Variants in SEMA5A observed in about 807,000 individuals in gnomAD.
SEMA5A encodes semaphorin 5A.
Under a neutral mutation model 135.5 loss-of-function variants are expected in SEMA5A, and 55 were observed. That is an observed-to-expected ratio of 0.41 (90% CI 0.33 to 0.51). SEMA5A has a LOEUF of 0.51. SEMA5A is among the 20% of genes least tolerant of loss of function. The pLI, the probability that SEMA5A is intolerant of heterozygous loss-of-function variation, is 0.37. For synonymous variants in SEMA5A, 580 were observed against 546.5 expected, an observed-to-expected ratio of 1.06 and a Z score of -0.85; for missense variants, 1,290 against 1,419.9, an observed-to-expected ratio of 0.91 and a Z score of 1.47.
chr5:9,080,021 T>G (rs1738287683), intron 16 of SEMA5A, among the ~76,000 whole-genome samples: 1 of 152,076 alleles, frequency 6.6e-6, no homozygotes, highest in Admixed American at 6.6e-5. Flanking sequence ...CAGAAATACC[T>G]TTTGACCCAG....
intron 1 of SEMA5A, among the ~76,000 whole-genome samples, chr5:9,453,226 C>T (rs1013391485): frequency 1.3e-5 from 2 of 152,136 alleles, no homozygotes; most frequent in Non-Finnish European, 2.9e-5. Context: ...TATTTGCAAC[C>T]TCAGAATCAA....
intron 9 of SEMA5A, 131 bp from the exon 10 acceptor site, chr5:9,197,434 C>G: frequency 8.9e-7 from 1 of 1,117,594 alleles, no homozygotes; most frequent in East Asian, 2.5e-5. Context: ...CTTAAAGATC[C>G]CAAAAGGATG....
At chr5:9,381,887 C>G (rs142771017) in intron 2 of SEMA5A, among the ~76,000 whole-genome samples, 3,134 of 150,508 alleles carry the variant, frequency 0.021, 46 homozygotes, top group Non-Finnish European at 0.031. Flanking sequence ...TGATGCCATT[C>G]ATTTTAATAG....
At chr5:9,115,271 G>A (rs1397205281) in intron 15 of SEMA5A, among the ~76,000 whole-genome samples, 2 of 152,132 alleles carry the variant, frequency 1.3e-5, no homozygotes, top group African/African-American at 2.4e-5. Flanking sequence ...CTACAAGCAC[G>A]TGCTCTCTTC....
chr5:9,330,266 T>C (rs1753067524), intron 4 of SEMA5A, among the ~76,000 whole-genome samples: 1 of 151,998 alleles, frequency 6.6e-6, no homozygotes, highest in Admixed American at 6.6e-5. Flanking sequence ...AGCGGGCGCC[T>C]GTAGTCCCAG....
intron 2 of SEMA5A, among the ~76,000 whole-genome samples, chr5:9,401,183 G>A (rs1291365897): frequency 1.3e-5 from 2 of 152,184 alleles, no homozygotes; most frequent in East Asian, 3.8e-4. Flanking sequence ...CATTCCCAAA[G>A]AGAAGAGCAA....
chr5:9,476,349 G>T (rs1196909165), intron 1 of SEMA5A, among the ~76,000 whole-genome samples: 1 of 152,098 alleles, frequency 6.6e-6, no homozygotes, highest in African/African-American at 2.4e-5. Context: ...GCACATGTTG[G>T]GGGTTTACTT....
At chr5:9,361,068 G>A (rs562404102) in intron 3 of SEMA5A, among the ~76,000 whole-genome samples, 1 of 152,308 alleles carries the variant, frequency 6.6e-6, no homozygotes, top group South Asian at 2.1e-4. Context: ...GGAGGCCGAG[G>A]CAGGCAGACC....
Position 9,054,496 on chromosome 5 carries a change from TTTTCA to T in SEMA5A, c.2519-244_2519-240del, listed in dbSNP as rs547406411. ...AGTTTTACAGATTCCTCCCTACACT[TTTTCA>T]GTTCCCTTTATTCACTGTTTCAGAA... On this transcript the variant is annotated intron_variant, in intron 18 of 22. Coordinates refer to ENST00000382496, the MANE Select transcript of SEMA5A (RefSeq NM_003966.3). Among the ~76,000 whole-genome samples, 235 of 152,310 alleles carry T rather than the reference TTTTCA, an allele frequency of 1.5e-3. 1 individual carries two copies. The highest frequency in any genetic ancestry group is 5.4e-3 in the African/African-American group (225 of 41,568).
At chr5:9,400,165 G>A (rs908360103) in intron 2 of SEMA5A, among the ~76,000 whole-genome samples, 2 of 152,102 alleles carry the variant, frequency 1.3e-5, no homozygotes, top group Non-Finnish European at 2.9e-5. Context: ...TCGCAGGGTT[G>A]GAGGCGAAGT....
intron 1 of SEMA5A, among the ~76,000 whole-genome samples, chr5:9,485,722 A>T (rs1339770570): frequency 6.6e-6 from 1 of 152,188 alleles, no homozygotes; most frequent in East Asian, 1.9e-4. Context: ...ATGATCTCCA[A>T]TTATATGGAA....
At chr5:9,491,260 G>A (rs997641547) in intron 1 of SEMA5A, among the ~76,000 whole-genome samples, 2 of 152,284 alleles carry the variant, frequency 1.3e-5, no homozygotes, top group South Asian at 4.1e-4. Flanking sequence ...GGATGAACAG[G>A]AGAGCACAGG....
chr5:9,393,441 C>G (rs1334304137), intron 2 of SEMA5A, among the ~76,000 whole-genome samples: 1 of 152,150 alleles, frequency 6.6e-6, no homozygotes, highest in African/African-American at 2.4e-5. Flanking sequence ...GGAGAGGCAG[C>G]CTTGCATAGA....
At chr5:9,324,284 G>A (rs1752772625) in intron 4 of SEMA5A, among the ~76,000 whole-genome samples, 1 of 151,324 alleles carries the variant, frequency 6.6e-6, no homozygotes, top group Non-Finnish European at 1.5e-5. Context: ...TAGCCAGGAT[G>A]GTCTCTATCT....
chr5:9,374,654 T>A (rs1423190283), intron 3 of SEMA5A, among the ~76,000 whole-genome samples: 1 of 141,776 alleles, frequency 7.1e-6, no homozygotes, highest in Non-Finnish European at 1.5e-5. Flanking sequence ...TGTGTGTGTG[T>A]GTGACAGAGA....
At chr5:9,245,831 T>C (rs1345077552) in intron 5 of SEMA5A, among the ~76,000 whole-genome samples, 1 of 152,114 alleles carries the variant, frequency 6.6e-6, no homozygotes, top group African/African-American at 2.4e-5. Flanking sequence ...AGTTGGCAAG[T>C]CACTATTTTA....
intron 16 of SEMA5A, among the ~76,000 whole-genome samples, chr5:9,105,199 T>A (rs1739847602): frequency 6.6e-6 from 1 of 152,206 alleles, no homozygotes; most frequent in Non-Finnish European, 1.5e-5. Context: ...GAGTAGGGAT[T>A]CATGGAGAGA....
intron 22 of SEMA5A, 192 bp from the exon 23 acceptor site, chr5:9,043,208 G>A: frequency 1.9e-6 from 1 of 515,410 alleles, no homozygotes; most frequent in Non-Finnish European, 3.3e-6. Context: ...CCAGAATAAG[G>A]TTGGCAGTTT....
intron 5 of SEMA5A, among the ~76,000 whole-genome samples, chr5:9,283,385 G>T (rs1245018151): frequency 6.6e-6 from 1 of 152,098 alleles, no homozygotes; most frequent in Non-Finnish European, 1.5e-5. Flanking sequence ...ACTAGGGAAT[G>T]CCCACCCCTG....
Sources: allele counts gnomAD v4.1 joint callset (sites outside exome capture counted in the v4.1 genomes callset), GRCh38; gene constraint gnomAD v4.1.1; transcripts MANE v1.5; gene names NCBI Gene and HGNC (gene_info 2026-07-23, HGNC 2026-07-21).